The following UBQLN1 variants were observed in gnomAD, a reference collection of about 807,000 sequenced individuals.
UBQLN1 encodes the protein ubiquilin 1, also known as ubiquilin-1.
UBQLN1 carries 13 observed loss-of-function variants against 65.4 expected under a neutral mutation model. The ratio of observed to expected loss-of-function variants is 0.20; its 90% CI spans 0.13 to 0.32. UBQLN1 has a LOEUF of 0.32. Ranked by LOEUF, UBQLN1 falls within the 10% of genes least tolerant of loss-of-function variation. The pLI is 1.00. For missense variants in UBQLN1, 561 were observed against 724.0 expected, an observed-to-expected ratio of 0.77 and a Z score of 2.58; for synonymous variants, 267 against 247.8, an observed-to-expected ratio of 1.08 and a Z score of -0.73.
intron 7 of UBQLN1, chr9:83,666,886 A>G (rs890130225): frequency 1.3e-5 from 2 of 153,646 alleles, no homozygotes; most frequent in African/African-American, 4.8e-5. Context: ...GAGAAAATCT[A>G]GATCTGAAAA....
At position 83,707,718 on chromosome 9, in the gene UBQLN1, G is replaced by A. The variant is rs1186862694; in HGVS notation, c.-39C>T. The A allele has an allele frequency of 2.0e-6, 3 of 1,517,050 alleles. No individual in the cohort carries two copies. The highest frequency in any genetic ancestry group is 2.4e-5 in the South Asian group (2 of 82,646). 94.0% of individuals were successfully genotyped at this position (1,517,050 alleles called of 1,614,324 possible). A position where few individuals can be genotyped will look rare whatever the true frequency, so the allele number is the denominator to read the frequency against. On this transcript the variant is annotated 5_prime_UTR_variant, in exon 1 of 11. Transcript: ENST00000376395. Reference sequence around the variant, plus strand: ...GCGGCGGCGGTGACTCAGGCAAGCAGGAGGGAGCAGGCGAGCAAGGAGGAG... The same window carrying A: ...GCGGCGGCGGTGACTCAGGCAAGCAAGAGGGAGCAGGCGAGCAAGGAGGAG...
intron 1 of UBQLN1, among the ~76,000 whole-genome samples, chr9:83,700,924 T>C (rs1832299793): frequency 1.3e-5 from 2 of 152,202 alleles, no homozygotes; most frequent in Admixed American, 6.5e-5. Flanking sequence ...TTAACGTTTT[T>C]CAGAGATCAC....
chr9:83,675,659 T>C (rs959576861), intron 6 of UBQLN1, among the ~76,000 whole-genome samples: 2 of 152,252 alleles, frequency 1.3e-5, no homozygotes, highest in Non-Finnish European at 2.9e-5. Flanking sequence ...AATCTGAATG[T>C]AATGGCATGT....
intron 3 of UBQLN1, among the ~76,000 whole-genome samples, chr9:83,681,446 C>G (rs1039906407): frequency 1.3e-5 from 2 of 152,120 alleles, no homozygotes; most frequent in Non-Finnish European, 2.9e-5. Flanking sequence ...ATGCTAAGTA[C>G]TTCAGTAAAG....
Position 83,660,239 on chromosome 9 carries a change from A to G in UBQLN1, c.*1548T>C, listed in dbSNP as rs775870488. ...GGTAACCTGGCCTCTTAACCTTTTT[A>G]ATAGCAAGCAACATACAGAAGTAAT... On this transcript the variant is annotated 3_prime_UTR_variant, in exon 11 of 11. Transcript: ENST00000376395. 3 of 152,624 alleles carry G rather than the reference A, an allele frequency of 2.0e-5. No individual in the cohort carries two copies. Among genetic ancestry groups the G allele is most frequent in the Admixed American group, 6.5e-5 (1 of 15,274 alleles). 9.5% of individuals were successfully genotyped at this position (152,624 alleles called of 1,614,324 possible).
intron 1 of UBQLN1, among the ~76,000 whole-genome samples, chr9:83,689,977 T>TA (rs1172837285): frequency 6.6e-6 from 1 of 152,202 alleles, no homozygotes; most frequent in Admixed American, 6.5e-5. Flanking sequence ...TTAAGACTGT[T>TA]AAAGAGCGTT....
At chr9:83,664,373 C>T (rs753318577) in intron 9 of UBQLN1, among the ~76,000 whole-genome samples, 11 of 151,952 alleles carry the variant, frequency 7.2e-5, no homozygotes, top group Non-Finnish European at 1.0e-4. Flanking sequence ...GAGCTGAGAT[C>T]GCGCCACTGC....
intron 3 of UBQLN1, among the ~76,000 whole-genome samples, chr9:83,682,628 G>GA (rs935008687): frequency 7.9e-5 from 12 of 152,098 alleles, no homozygotes; most frequent in Admixed American, 5.9e-4. Context: ...TTTTACAAAT[G>GA]AAAAAATTAT....
chr9:83,694,799 A>G (rs1832182788), intron 1 of UBQLN1, among the ~76,000 whole-genome samples: 1 of 152,208 alleles, frequency 6.6e-6, no homozygotes, highest in Non-Finnish European at 1.5e-5. Flanking sequence ...TACTTTATGC[A>G]TACGATGTCA....
rs575334803 is a variant in UBQLN1, at chr9:83,685,851, C to T, written c.332+153G>A. ...ACGTAAGCATTAACATGGAATCACA[C>T]TTTTTAAAAAAATTGTTATCGACAG... On this transcript the variant is annotated intron_variant, in intron 2 of 10. Transcript: ENST00000376395. 5.3e-5 allele frequency among the ~76,000 whole-genome samples: 8 copies of T among 152,248 alleles called. No homozygotes were observed. In the East Asian group the frequency reaches 1.4e-3, roughly 26 times the overall value.
chr9:83,668,896 G>T, intron 7 of UBQLN1: 1 of 280,982 alleles, frequency 3.6e-6, no homozygotes, highest in South Asian at 1.0e-4. Flanking sequence ...AAAAGAGTGG[G>T]CATTCCAGAA....
chr9:83,701,458 A>G, intron 1 of UBQLN1, among the ~76,000 whole-genome samples: 1 of 152,204 alleles, frequency 6.6e-6, no homozygotes, highest in East Asian at 1.9e-4. Context: ...AAATAGTTTC[A>G]TCTCATGGTA....
intron 8 of UBQLN1, 119 bp from the exon 9 acceptor site, chr9:83,665,264 TA>T: frequency 1.7e-6 from 1 of 604,342 alleles, no homozygotes; most frequent in East Asian, 3.1e-5. Flanking sequence ...TGGACACTGG[TA>T]ATCCATAATT....
At position 83,669,331 on chromosome 9, in the gene UBQLN1, A is replaced by G. The variant is rs749932659; in HGVS notation, c.1106-4T>C. On this transcript the variant is annotated splice_region_variant and splice_polypyrimidine_tract_variant and intron_variant, in intron 6 of 10. Transcript: ENST00000376395. ...CCTGGTGTGTTGAACATACTAGCTG[A>G]AAGTTTGTTTTTAAAAAAGACATAT... The G allele has an allele frequency of 6.3e-7, 1 of 1,577,134 alleles. No homozygotes were observed. Among genetic ancestry groups the G allele is most frequent in the African/African-American group, 1.4e-5 (1 of 72,514 alleles).
At chr9:83,707,394 G>A in intron 1 of UBQLN1, 106 bp downstream of exon 1, 1 of 1,252,296 alleles carries the variant, frequency 8.0e-7, no homozygotes, top group Non-Finnish European at 1.1e-6. Flanking sequence ...CCGGGAGAAT[G>A]GCCGAGGACG....
chr9:83,666,409 C>T lies in UBQLN1; in HGVS notation c.1273G>A (p.Ala425Thr), dbSNP rs752524341. The T allele has an allele frequency of 5.0e-6, 8 of 1,613,616 alleles. No individual in the cohort carries two copies. Among genetic ancestry groups the T allele is most frequent in the African/African-American group, 2.7e-5 (2 of 74,872 alleles). The change falls in exon 8 of 11, where the codon GCT (alanine) becomes ACT (threonine). Residue 425 changes from alanine (A) to threonine (T), a missense_variant. Coordinates refer to ENST00000376395, the MANE Select transcript of UBQLN1 (RefSeq NM_013438.5). ...TGTTCTTGAAGCTGAGGATTTCCAG[C>T]AAATAGGGGATTATTCAGCATCATC... The part of the protein sequence containing the change: ...AQMMLNNPLF[A>T]GNPQLQEQMR...
intron 10 of UBQLN1, among the ~76,000 whole-genome samples, chr9:83,663,621 T>TA (rs1260246715): frequency 1.3e-5 from 2 of 152,184 alleles, no homozygotes; most frequent in Non-Finnish European, 2.9e-5. Flanking sequence ...AGGCAATTTC[T>TA]AAAAAATAAG....
At chr9:83,688,861 C>CA (rs142002440) in intron 1 of UBQLN1, among the ~76,000 whole-genome samples, 36,035 of 130,476 alleles carry the variant, frequency 0.28, 5,661 homozygotes, top group East Asian at 0.8. Flanking sequence ...AACTCCGTTT[C>CA]AAAAAAAAAA....
At chr9:83,704,593 G>A (rs547639739) in intron 1 of UBQLN1, among the ~76,000 whole-genome samples, 18 of 152,260 alleles carry the variant, frequency 1.2e-4, no homozygotes, top group Admixed American at 2.6e-4. Flanking sequence ...TTGGGAAGCC[G>A]AGGCAGGCGG....
Sources: gnomAD v4.1 joint callset for allele counts (sites outside exome capture counted in the v4.1 genomes callset) on GRCh38, gnomAD v4.1.1 for gene constraint, MANE v1.5 for transcripts, NCBI Gene and HGNC (gene_info 2026-07-23, HGNC 2026-07-21) for gene names.